Variants in SLC24A3 observed in about 807,000 individuals in gnomAD.
SLC24A3 encodes sodium/potassium/calcium exchanger 3.
Under a neutral mutation model 75.8 loss-of-function variants are expected in SLC24A3, and 28 were observed. The observed-to-expected ratio is 0.37, with a 90% CI of 0.27 to 0.51. SLC24A3 has a LOEUF of 0.51. Among genes scored for constraint, SLC24A3 ranks in the 20% least tolerant of loss-of-function variants. The pLI is 0.94. For missense variants in SLC24A3, 663 were observed against 847.8 expected (o/e 0.78, Z 2.71); for synonymous variants, 372 against 334.1 (o/e 1.11, Z -1.24).
In SLC24A3 at chr20:19,270,770, ATAGAGT is replaced by A. The variant is rs1438817989; in HGVS notation, c.143-10183_143-10178del. Among the ~76,000 whole-genome samples the A allele has an allele frequency of 1.1e-4, 16 of 151,958 alleles. No homozygotes were observed. The South Asian group carries it at 2.1e-3, about 20-fold the overall frequency. On this transcript the variant is annotated intron_variant, in intron 1 of 16. Transcript: ENST00000328041. The stretch of plus-strand genomic sequence containing the variant: ...GTATGTATGTGAGTGTGGGAGAGAG[ATAGAGT>A]TAGAGGGGGAGGGGGAAGAGAAGGG...
intron 2 of SLC24A3, among the ~76,000 whole-genome samples, chr20:19,473,587 T>C (rs1424243441): frequency 2.0e-5 from 3 of 152,228 alleles, no homozygotes; most frequent in Non-Finnish European, 4.4e-5. Flanking sequence ...TCTGAGGTCA[T>C]GTAGCTGGGG....
chr20:19,309,829 T>C (rs1262148199), intron 2 of SLC24A3, among the ~76,000 whole-genome samples: 1 of 152,122 alleles, frequency 6.6e-6, no homozygotes, highest in Non-Finnish European at 1.5e-5. Flanking sequence ...TGGGGGAATG[T>C]GAAGACAAGG....
intron 5 of SLC24A3, 26 bp from the exon 6 acceptor site, chr20:19,585,415 A>G (rs770200838): frequency 1.0e-5 from 16 of 1,603,334 alleles, no homozygotes; most frequent in Admixed American, 1.7e-5. Flanking sequence ...CACAACAGCC[A>G]GGCTGATGTG....
chr20:19,573,194 A>G (rs1483071296), intron 3 of SLC24A3, among the ~76,000 whole-genome samples: 1 of 152,238 alleles, frequency 6.6e-6, no homozygotes, highest in Non-Finnish European at 1.5e-5. Flanking sequence ...ACGTCCTGCC[A>G]TTCAAATACA....
At chr20:19,451,760 C>T (rs1000392997) in intron 2 of SLC24A3, among the ~76,000 whole-genome samples, 1 of 152,296 alleles carries the variant, frequency 6.6e-6, no homozygotes, top group Admixed American at 6.5e-5. Flanking sequence ...TGTTGTGTTC[C>T]TCTTGCCTCT....
chr20:19,218,094 C>A (rs76529331), intron 1 of SLC24A3, among the ~76,000 whole-genome samples: 2,010 of 152,180 alleles, frequency 0.013, 37 homozygotes, highest in African/African-American at 0.046. Context: ...ATATAAATAT[C>A]TTAAATATAG....
At chr20:19,590,496 G>T (rs565151446) in intron 6 of SLC24A3, among the ~76,000 whole-genome samples, 2 of 152,290 alleles carry the variant, frequency 1.3e-5, no homozygotes, top group East Asian at 3.9e-4. Context: ...TAAAAATAGG[G>T]GCTGGAGGCC....
At chr20:19,513,289 G>A (rs965631944) in intron 2 of SLC24A3, among the ~76,000 whole-genome samples, 6 of 152,220 alleles carry the variant, frequency 3.9e-5, no homozygotes, top group African/African-American at 1.2e-4. Flanking sequence ...GGTTTGCTGG[G>A]TGTGCAGCCC....
chr20:19,216,426 T>C (rs1568559869), intron 1 of SLC24A3, among the ~76,000 whole-genome samples: 1 of 151,962 alleles, frequency 6.6e-6, no homozygotes, highest in South Asian at 2.1e-4. Context: ...CTAGGCAACA[T>C]AGTAAGACCC....
At chr20:19,306,419 T>C (rs927915701) in intron 2 of SLC24A3, among the ~76,000 whole-genome samples, 2 of 152,238 alleles carry the variant, frequency 1.3e-5, no homozygotes. Context: ...ATTGCAGCAC[T>C]ATTCACAGTA....
intron 6 of SLC24A3, among the ~76,000 whole-genome samples, chr20:19,615,856 G>A (rs2031729082): frequency 6.6e-6 from 1 of 152,164 alleles, no homozygotes; most frequent in African/African-American, 2.4e-5. Flanking sequence ...TTTGCCCACA[G>A]ACTGAAGGCT....
At chr20:19,412,515 A>C (rs1168749808) in intron 2 of SLC24A3, among the ~76,000 whole-genome samples, 1 of 151,912 alleles carries the variant, frequency 6.6e-6, no homozygotes, top group East Asian at 1.9e-4. Flanking sequence ...GAGGGAGATG[A>C]GGAAGCAGGA....
chr20:19,219,936 A>G (rs1032304204), intron 1 of SLC24A3, among the ~76,000 whole-genome samples: 2 of 152,214 alleles, frequency 1.3e-5, no homozygotes, highest in Admixed American at 1.3e-4. Context: ...ACCTGGTTAT[A>G]GGAATAGACC....
intron 2 of SLC24A3, among the ~76,000 whole-genome samples, chr20:19,332,287 C>T (rs529814594): frequency 7.2e-5 from 11 of 152,204 alleles, no homozygotes; most frequent in African/African-American, 2.2e-4. Context: ...AGTGGGCCAC[C>T]GCTGTGGCCT....
intron 2 of SLC24A3, among the ~76,000 whole-genome samples, chr20:19,408,092 G>A (rs1289995382): frequency 6.6e-6 from 1 of 152,148 alleles, no homozygotes; most frequent in Non-Finnish European, 1.5e-5. Context: ...GGAATAAAAT[G>A]TTGAGTACAA....
Position 19,363,137 on chromosome 20 carries a change from C to T in SLC24A3, c.271+82050C>T, listed in dbSNP as rs113058364. ...TCCTGCTGCTCGTCACTCCATCCCC[C>T]GAGGCCCCTCACTTCCCACCTGACA... is the stretch of plus-strand genomic sequence containing the variant. On this transcript the variant is annotated intron_variant, in intron 2 of 16. Transcript: ENST00000328041. Among the ~76,000 whole-genome samples, 1,045 of 152,302 alleles carry T rather than the reference C, an allele frequency of 6.9e-3. 2 individuals are homozygous for T. The highest frequency in any genetic ancestry group is 0.02 in the Middle Eastern group (6 of 294).
intron 1 of SLC24A3, among the ~76,000 whole-genome samples, chr20:19,240,891 A>C (rs1358240475): frequency 2.0e-5 from 3 of 152,134 alleles, no homozygotes; most frequent in Non-Finnish European, 4.4e-5. Context: ...TTCTCTGGAC[A>C]TGGGGGAAGC....
At chr20:19,223,300 T>TG (rs35515567) in intron 1 of SLC24A3, among the ~76,000 whole-genome samples, 122,129 of 152,094 alleles carry the variant, frequency 0.8, 49,398 homozygotes, top group African/African-American at 0.9. Context: ...CTCGGGGTGG[T>TG]GCGGTGGGGG....
intron 2 of SLC24A3, among the ~76,000 whole-genome samples, chr20:19,371,668 T>C (rs1985994449): frequency 6.6e-6 from 1 of 152,150 alleles, no homozygotes; most frequent in South Asian, 2.1e-4. Context: ...TCCATGTTTT[T>C]TAGTGGTATA....
Sources: gnomAD v4.1 joint callset for allele counts (sites outside exome capture counted in the v4.1 genomes callset) on GRCh38, gnomAD v4.1.1 for gene constraint, MANE v1.5 for transcripts, NCBI Gene and HGNC (gene_info 2026-07-23, HGNC 2026-07-21) for gene names.